The following TENM3 variants were observed in gnomAD, a reference collection of about 807,000 sequenced individuals.
The protein encoded by TENM3 is teneurin transmembrane protein 3, also known as teneurin-3.
In TENM3, 63 loss-of-function variants were observed where a neutral mutation model predicts 255.1. That is an observed-to-expected ratio of 0.25 (90% CI 0.20 to 0.30). The LOEUF is 0.30. Ranked by LOEUF, TENM3 falls within the 10% of genes least tolerant of loss-of-function variation. The pLI, the probability that TENM3 is intolerant of heterozygous loss-of-function variation, is 1.00. For missense variants in TENM3, 2,929 were observed against 3,461.1 expected, an observed-to-expected ratio of 0.85 and a Z score of 3.86; for synonymous variants, 1,306 against 1,322.3, an observed-to-expected ratio of 0.99 and a Z score of 0.27.
At chr4:182,796,487 T>C in intron 26 of TENM3, 150 bp from the exon 27 acceptor site, 1 of 702,548 alleles carries the variant, frequency 1.4e-6, no homozygotes, top group Non-Finnish European at 2.3e-6. Context: ...CTAAAAACAG[T>C]AGGTTTAGAT....
chr4:181,447,882 C>G, the TENM3 span, among the ~76,000 whole-genome samples: 1 of 152,150 alleles, frequency 6.6e-6, no homozygotes, highest in Admixed American at 6.5e-5. Context: ...TTCTAAAAGA[C>G]TGTCAAACAA....
rs1200551035 is a variant in TENM3, at chr4:182,753,439, C to G, written c.3863-11C>G. The G allele has an allele frequency of 3.1e-6, 5 of 1,609,558 alleles. No homozygotes were observed. The highest frequency in any genetic ancestry group is 4.2e-6 in the Non-Finnish European group (5 of 1,177,166). On this transcript the variant is annotated splice_polypyrimidine_tract_variant and intron_variant, in intron 20 of 27. Transcript: ENST00000511685. ...TGAAAAATTAGTAATACTTGCTTCT[C>G]TCAAATACAGGAATGGCAGTTGATA...
chr4:181,786,855 T>A, the TENM3 span, among the ~76,000 whole-genome samples: 1 of 152,122 alleles, frequency 6.6e-6, no homozygotes. Flanking sequence ...TGTCAGTGTT[T>A]GGGGGTAGAG....
the TENM3 span, among the ~76,000 whole-genome samples, chr4:181,675,512 G>A: frequency 6.6e-6 from 1 of 152,076 alleles, no homozygotes; most frequent in Non-Finnish European, 1.5e-5. Context: ...ATAAAAATAT[G>A]TATGGAATTG....
chr4:181,674,625 G>A, the TENM3 span, among the ~76,000 whole-genome samples: 13,972 of 152,030 alleles, frequency 0.092, 729 homozygotes, highest in Middle Eastern at 0.16. Flanking sequence ...GTTTTCCCCA[G>A]AACAGAATCT....
chr4:181,490,406 A>G, the TENM3 span, among the ~76,000 whole-genome samples: 5 of 152,212 alleles, frequency 3.3e-5, no homozygotes, highest in Non-Finnish European at 7.3e-5. Flanking sequence ...GCATCCATCC[A>G]GTCAATAACG....
chr4:182,088,768 A>T, the TENM3 span, among the ~76,000 whole-genome samples: 1 of 151,236 alleles, frequency 6.6e-6, no homozygotes, highest in Non-Finnish European at 1.5e-5. Flanking sequence ...CGGGAGGCAG[A>T]GGTTGCAATG....
At chr4:181,566,454 T>C in the TENM3 span, among the ~76,000 whole-genome samples, 10 of 152,164 alleles carry the variant, frequency 6.6e-5, no homozygotes, top group African/African-American at 2.4e-4. Context: ...TTCTGCTTGA[T>C]TGAAGAGCTC....
At chr4:181,620,432 C>A in the TENM3 span, among the ~76,000 whole-genome samples, 3 of 152,108 alleles carry the variant, frequency 2.0e-5, no homozygotes, top group African/African-American at 7.2e-5. Context: ...TCTTTATACA[C>A]GTGTTTCTCA....
chr4:182,720,201 A>G (rs992949484), intron 13 of TENM3, among the ~76,000 whole-genome samples: 1 of 152,234 alleles, frequency 6.6e-6, no homozygotes, highest in Non-Finnish European at 1.5e-5. Context: ...GGAGAGATCT[A>G]TATTTGTAGA....
At chr4:182,614,489 TGA>T (rs2152436619) in intron 4 of TENM3, among the ~76,000 whole-genome samples, 2 of 152,330 alleles carry the variant, frequency 1.3e-5, no homozygotes, top group South Asian at 4.1e-4. Context: ...TGACTTACTA[TGA>T]GTATGTTTTA....
the TENM3 span, among the ~76,000 whole-genome samples, chr4:181,521,812 G>A: frequency 6.6e-6 from 1 of 152,070 alleles, no homozygotes; most frequent in Non-Finnish European, 1.5e-5. Flanking sequence ...AGAAGCCAAT[G>A]TGGGCCGGGT....
At chr4:182,268,090 G>T (rs1012173257) in intron 1 of TENM3, among the ~76,000 whole-genome samples, 1 of 152,046 alleles carries the variant, frequency 6.6e-6, no homozygotes, top group South Asian at 2.1e-4. Flanking sequence ...TCCAATAGTT[G>T]CCCAGTTCAT....
chr4:181,743,596 C>G, the TENM3 span, among the ~76,000 whole-genome samples: 124,088 of 152,032 alleles, frequency 0.82, 51,376 homozygotes, highest in East Asian at 0.94. Flanking sequence ...ACTGGTGAGG[C>G]GAATGCAGCA....
intron 3 of TENM3, among the ~76,000 whole-genome samples, chr4:182,466,953 G>C (rs543871473): frequency 6.7e-6 from 1 of 150,020 alleles, no homozygotes; most frequent in East Asian, 2.0e-4. Context: ...TATTTTATCT[G>C]CCAAAACTGA....
At chr4:182,076,933 C>T in the TENM3 span, among the ~76,000 whole-genome samples, 9 of 152,174 alleles carry the variant, frequency 5.9e-5, no homozygotes, top group Non-Finnish European at 1.5e-5. Flanking sequence ...TGGACAAGGA[C>T]AGAGTCTTCT....
At chr4:182,494,390 G>T (rs1253756325) in intron 3 of TENM3, among the ~76,000 whole-genome samples, 1 of 152,058 alleles carries the variant, frequency 6.6e-6, no homozygotes, top group African/African-American at 2.4e-5. Context: ...CATAACTTTT[G>T]TTAGTTATAC....
At chr4:181,908,775 G>A in the TENM3 span, among the ~76,000 whole-genome samples, 8 of 152,106 alleles carry the variant, frequency 5.3e-5, no homozygotes, top group African/African-American at 1.9e-4. Context: ...AGTGTTACAC[G>A]GTATAGGTGA....
At chr4:182,101,196 A>G in the TENM3 span, among the ~76,000 whole-genome samples, 1 of 117,738 alleles carries the variant, frequency 8.5e-6, no homozygotes, top group African/African-American at 3.3e-5. Flanking sequence ...GGGAGGGAGG[A>G]AGGAAAGAAG....
Sources: allele counts gnomAD v4.1 joint callset (sites outside exome capture counted in the v4.1 genomes callset), GRCh38; gene constraint gnomAD v4.1.1; transcripts MANE v1.5; gene names NCBI Gene and HGNC (gene_info 2026-07-23, HGNC 2026-07-21).